The following TNFRSF11A variants were observed in gnomAD, a reference collection of about 807,000 sequenced individuals.
TNFRSF11A encodes the protein TNF receptor superfamily member 11a, also known as tumor necrosis factor receptor superfamily member 11A.
In TNFRSF11A, 32 loss-of-function variants were observed where a neutral mutation model predicts 55.7. The ratio of observed to expected loss-of-function variants is 0.57; its 90% confidence interval spans 0.43 to 0.77. TNFRSF11A has a LOEUF of 0.77. Among genes scored for constraint, TNFRSF11A ranks in the 30% least tolerant of loss-of-function variants. The pLI is 0.00. For missense variants in TNFRSF11A, 753 were observed against 809.8 expected, an observed-to-expected ratio of 0.93 and a Z score of 0.85; for synonymous variants, 311 against 331.0, an observed-to-expected ratio of 0.94 and a Z score of 0.65.
At position 62,387,526 on chromosome 18, in the gene TNFRSF11A, C is replaced by T. The variant is rs1410834422; in HGVS notation, c.*2492C>T. ...CTAATCTTTATGGTATGGTGTCAAC[C>T]GTTCATTTGTATCTTATTGCTCATT... On this transcript the variant is annotated 3_prime_UTR_variant, in exon 10 of 10. Coordinates refer to ENST00000586569, the MANE Select transcript of TNFRSF11A (RefSeq NM_003839.4). 2 of 152,082 alleles carry T rather than the reference C, an allele frequency of 1.3e-5. No individual in the cohort carries two copies. Among genetic ancestry groups the T allele is most frequent in the East Asian group, 1.9e-4 (1 of 5,202 alleles). The allele number at this position is 152,082 out of a possible 1,614,324, so 9.4% of individuals were successfully genotyped here. A position where few individuals can be genotyped will look rare whatever the true frequency, so the allele number is the denominator to read the frequency against.
At chr18:62,375,316 A>G (rs1263996737) in intron 9 of TNFRSF11A, among the ~76,000 whole-genome samples, 1 of 152,070 alleles carries the variant, frequency 6.6e-6, no homozygotes, top group Non-Finnish European at 1.5e-5. Context: ...AAAGAAACAA[A>G]AACAAATGTC....
chr18:62,370,838 T>A (rs1291275529), intron 9 of TNFRSF11A, among the ~76,000 whole-genome samples: 1 of 75,222 alleles, frequency 1.3e-5, no homozygotes, highest in African/African-American at 4.9e-5. Flanking sequence ...TTCTTTTCTT[T>A]TTTTTTTTTG....
chr18:62,362,891 T>G (rs775482467), intron 7 of TNFRSF11A, among the ~76,000 whole-genome samples: 1 of 152,204 alleles, frequency 6.6e-6, no homozygotes, highest in Admixed American at 6.5e-5. Flanking sequence ...TTGCCTAGGC[T>G]GGAGTGTAGT....
intron 7 of TNFRSF11A, among the ~76,000 whole-genome samples, chr18:62,363,896 C>G (rs981743148): frequency 3.9e-5 from 6 of 152,202 alleles, no homozygotes; most frequent in Non-Finnish European, 7.3e-5. Flanking sequence ...ATTTAGTGAA[C>G]TGGATGTCAT....
intron 9 of TNFRSF11A, among the ~76,000 whole-genome samples, chr18:62,375,279 C>G (rs1910816040): frequency 6.6e-6 from 1 of 152,058 alleles, no homozygotes; most frequent in Admixed American, 6.6e-5. Flanking sequence ...GCACTCCAGC[C>G]TGAGCGATTA....
rs1911947152 is a variant in TNFRSF11A at position 62,390,245 on chromosome 18, A to T, written c.*5211A>T. ...ACGCACCTTCTCCACAGTTGACAGG[A>T]CTGTTATGGTTGACCCAAAAGTTGT... On this transcript the variant is annotated 3_prime_UTR_variant, in exon 10 of 10. Transcript: ENST00000586569. 1 of 152,228 alleles carries T rather than the reference A, an allele frequency of 6.6e-6. No homozygotes were observed. Among genetic ancestry groups the T allele is most frequent in the Non-Finnish European group, 1.5e-5 (1 of 68,046 alleles). The allele number at this position is 152,228 out of a possible 1,614,324, so 9.4% of individuals were successfully genotyped here.
intron 1 of TNFRSF11A, among the ~76,000 whole-genome samples, chr18:62,341,922 G>T (rs572675511): frequency 2.8e-5 from 4 of 144,358 alleles, no homozygotes; most frequent in African/African-American, 1.0e-4. Flanking sequence ...CTTCTCTCCG[G>T]GTCAAACTGG....
chr18:62,342,302 T>C (rs2046323335), intron 1 of TNFRSF11A, among the ~76,000 whole-genome samples: 1 of 146,400 alleles, frequency 6.8e-6, no homozygotes, highest in Admixed American at 7.2e-5. Context: ...CTCGGGAGGC[T>C]GAGGTGGGAG....
intron 1 of TNFRSF11A, among the ~76,000 whole-genome samples, chr18:62,345,317 G>C (rs1267476983): frequency 6.6e-6 from 1 of 152,102 alleles, no homozygotes; most frequent in Non-Finnish European, 1.5e-5. Flanking sequence ...AACCTAAAGA[G>C]TTTTCCAGAT....
intron 1 of TNFRSF11A, among the ~76,000 whole-genome samples, chr18:62,337,128 A>G (rs1446302880): frequency 6.6e-6 from 1 of 152,196 alleles, no homozygotes; most frequent in Non-Finnish European, 1.5e-5. Context: ...ACTTCTAATC[A>G]CAGTTACCTA....
At chr18:62,370,549 G>C (rs886611606) in intron 9 of TNFRSF11A, among the ~76,000 whole-genome samples, 1 of 152,188 alleles carries the variant, frequency 6.6e-6, no homozygotes, top group Non-Finnish European at 1.5e-5. Flanking sequence ...TAAACACAGA[G>C]ACTGTTTTGC....
rs768634057 is a variant in TNFRSF11A at position 62,354,396 on chromosome 18, G to T, written c.289G>T (p.Ala97Ser). 4.4e-6 allele frequency: 7 copies of T among 1,580,672 alleles called. No individual in the cohort carries two copies. Among genetic ancestry groups the T allele is most frequent in the Non-Finnish European group, 6.0e-6 (7 of 1,168,816 alleles). ...LLHKVCDTGKALVAVVAGNST... is the reference protein window; with the variant it reads ...LLHKVCDTGKSLVAVVAGNST... ...CTGTCTCTTGTCTCCCGCAGGCAAG[G>T]CCCTGGTGGCCGTGGTCGCCGGCAA... is the stretch of plus-strand genomic sequence containing the variant. The change falls in exon 4 of 10, where the codon GCC (alanine) becomes TCC (serine). Residue 97 changes from alanine to serine, a missense_variant. Physicochemically the swap from Ala to Ser is moderately conservative, Grantham distance 99. This residue lies in a region of TNFRSF11A where 156 missense variants were observed against 155.1 expected (regional missense o/e 1.01). Transcript: ENST00000586569.
In TNFRSF11A at chr18:62,388,855, CAGATAAA is replaced by C. The variant is rs1436837455; in HGVS notation, c.*3826_*3832del. ...TGGGGTAGAGAAACCTGCATATAAA[CAGATAAA>C]AGATCGAGTGTTCACCCTTCACCTC... On this transcript the variant is annotated 3_prime_UTR_variant, in exon 10 of 10. Transcript: ENST00000586569. 6.6e-6 allele frequency: 1 copy of C among 152,184 alleles called. No individual in the cohort carries two copies. The highest frequency in any genetic ancestry group is 1.5e-5 in the Non-Finnish European group (1 of 68,036). The allele number at this position is 152,184 out of a possible 1,614,324, so 9.4% of individuals were successfully genotyped here. A position where few individuals can be genotyped will look rare whatever the true frequency, so the allele number is the denominator to read the frequency against.
intron 7 of TNFRSF11A, among the ~76,000 whole-genome samples, chr18:62,362,138 A>T (rs1261667494): frequency 6.6e-6 from 1 of 152,208 alleles, no homozygotes; most frequent in African/African-American, 2.4e-5. Context: ...CTTTTAAAAT[A>T]TACATAAAAT....
intron 9 of TNFRSF11A, among the ~76,000 whole-genome samples, chr18:62,373,788 C>T (rs1007194993): frequency 6.6e-6 from 1 of 152,206 alleles, no homozygotes; most frequent in African/African-American, 2.4e-5. Context: ...AAGGCCATCA[C>T]CTGGGAGCCA....
intron 7 of TNFRSF11A, among the ~76,000 whole-genome samples, chr18:62,365,205 G>T (rs940794334): frequency 6.6e-6 from 1 of 152,002 alleles, no homozygotes; most frequent in African/African-American, 2.4e-5. Flanking sequence ...GAAGCGGTCC[G>T]CCCACCTCAG....
At chr18:62,333,652 A>G (rs2046188521) in intron 1 of TNFRSF11A, among the ~76,000 whole-genome samples, 2 of 152,184 alleles carry the variant, frequency 1.3e-5, no homozygotes, top group South Asian at 4.1e-4. Flanking sequence ...AGCTCCTACC[A>G]GGCAGCGCTC....
chr18:62,368,652 T>A, intron 8 of TNFRSF11A, 49 bp from the exon 9 acceptor site: 3 of 1,598,300 alleles, frequency 1.9e-6, no homozygotes, highest in Non-Finnish European at 2.6e-6. Context: ...AAACTTGTCC[T>A]AATAACTCTA....
chr18:62,354,927 G>A (rs1316008309), intron 4 of TNFRSF11A, among the ~76,000 whole-genome samples: 1 of 152,146 alleles, frequency 6.6e-6, no homozygotes, highest in Non-Finnish European at 1.5e-5. Context: ...ACCCCAGCAC[G>A]TTTTTAAGTT....
Sources: allele counts gnomAD v4.1 joint callset (sites outside exome capture counted in the v4.1 genomes callset), GRCh38; gene constraint gnomAD v4.1.1; regional missense constraint gnomAD v4.1.1; transcripts MANE v1.5; gene names NCBI Gene and HGNC (gene_info 2026-07-23, HGNC 2026-07-21).